The following ZFHX3 variants were observed in gnomAD, a reference collection of about 807,000 sequenced individuals.
ZFHX3 encodes the protein zinc finger homeobox 3.
In ZFHX3, 42 loss-of-function variants were observed where a neutral mutation model predicts 279.1. The observed-to-expected ratio is 0.15, with a 90% CI of 0.12 to 0.19. The LOEUF (loss-of-function observed/expected upper bound fraction) is 0.19. Among genes scored for constraint, ZFHX3 ranks in the 10% least tolerant of loss-of-function variants. ZFHX3 has a pLI of 1.00. For synonymous variants in ZFHX3, 2,293 were observed against 1,957.8 expected, an observed-to-expected ratio of 1.17 and a Z score of -4.52; for missense variants, 4,981 against 4,754.0, an observed-to-expected ratio of 1.05 and a Z score of -1.40.
intron 2 of ZFHX3, among the ~76,000 whole-genome samples, chr16:73,598,443 G>A (rs921900625): frequency 6.7e-6 from 1 of 150,192 alleles, no homozygotes; most frequent in African/African-American, 2.5e-5. Context: ...TTTTTGACAG[G>A]ATCTTACTCT....
At chr16:73,213,421 T>TC (rs754623369) in intron 5 of ZFHX3, among the ~76,000 whole-genome samples, 11 of 152,210 alleles carry the variant, frequency 7.2e-5, no homozygotes, top group Non-Finnish European at 1.3e-4. Flanking sequence ...AGAACTTAGC[T>TC]CGACCCACAT....
chr16:73,820,465 A>G (rs1227141613), intron 1 of ZFHX3, among the ~76,000 whole-genome samples: 1 of 152,074 alleles, frequency 6.6e-6, no homozygotes, highest in African/African-American at 2.4e-5. Flanking sequence ...CAGCTGCCAT[A>G]CCATGAGATT....
intron 5 of ZFHX3, among the ~76,000 whole-genome samples, chr16:73,156,232 A>C (rs796173656): frequency 0.12 from 4,151 of 35,552 alleles, 111 homozygotes; most frequent in African/African-American, 0.33. Flanking sequence ...ACTCCCTCTC[A>C]AAAAAAAAAA....
intron 8 of ZFHX3, among the ~76,000 whole-genome samples, chr16:73,086,264 G>A (rs1966010878): frequency 6.6e-6 from 1 of 152,144 alleles, no homozygotes; most frequent in African/African-American, 2.4e-5. Context: ...ACTGTTGGTG[G>A]GAATGTAAAT....
At chr16:73,019,963 T>C (rs985444107) in intron 1 of ZFHX3, among the ~76,000 whole-genome samples, 2 of 152,182 alleles carry the variant, frequency 1.3e-5, no homozygotes, top group Admixed American at 6.5e-5. Flanking sequence ...CTGAGCCCTT[T>C]AACCTCCTGC....
intron 1 of ZFHX3, among the ~76,000 whole-genome samples, chr16:73,791,923 G>A (rs1959836246): frequency 6.6e-6 from 1 of 152,160 alleles, no homozygotes; most frequent in Admixed American, 6.5e-5. Context: ...AGCTTACAGA[G>A]CCTTCATAGT....
At chr16:73,542,516 CA>C (rs774294492) in intron 2 of ZFHX3, among the ~76,000 whole-genome samples, 9 of 152,106 alleles carry the variant, frequency 5.9e-5, no homozygotes, top group Non-Finnish European at 1.3e-4. Context: ...GGTAACCTCT[CA>C]TTTTTCAGTG....
chr16:73,022,046 C>G (rs1049278002), intron 1 of ZFHX3, among the ~76,000 whole-genome samples: 1 of 152,102 alleles, frequency 6.6e-6, no homozygotes, highest in Non-Finnish European at 1.5e-5. Flanking sequence ...CTGCTCACCC[C>G]CTGCCCTCGT....
intron 5 of ZFHX3, among the ~76,000 whole-genome samples, chr16:73,222,732 T>G (rs575470426): frequency 6.6e-6 from 1 of 152,190 alleles, no homozygotes; most frequent in African/African-American, 2.4e-5. Flanking sequence ...AAAGTTTATA[T>G]GAAGATGCCA....
chr16:73,447,815 A>G (rs990581984), intron 3 of ZFHX3, among the ~76,000 whole-genome samples: 2 of 152,350 alleles, frequency 1.3e-5, no homozygotes, highest in East Asian at 3.9e-4. Flanking sequence ...AATAAATAAC[A>G]GCATGAAGGG....
chr16:72,828,057 C>A (rs1054460838), intron 5 of ZFHX3, among the ~76,000 whole-genome samples: 1 of 152,174 alleles, frequency 6.6e-6, no homozygotes, highest in Non-Finnish European at 1.5e-5. Context: ...ATTTCTCAGC[C>A]CTTCAGTCAT....
chr16:73,814,663 G>C (rs956082641), intron 1 of ZFHX3, among the ~76,000 whole-genome samples: 1 of 151,780 alleles, frequency 6.6e-6, no homozygotes. Flanking sequence ...TGCCTCCTGG[G>C]TTCAAGTGAT....
intron 2 of ZFHX3, among the ~76,000 whole-genome samples, chr16:73,550,375 A>T (rs1178011422): frequency 6.6e-6 from 1 of 152,172 alleles, no homozygotes; most frequent in Non-Finnish European, 1.5e-5. Context: ...TTGACGGGAC[A>T]AGCTGGACCC....
intron 1 of ZFHX3, among the ~76,000 whole-genome samples, chr16:72,990,504 G>A (rs1963041548): frequency 6.6e-6 from 1 of 152,150 alleles, no homozygotes; most frequent in South Asian, 2.1e-4. Flanking sequence ...CCACGGATGG[G>A]ACAAACAGAC....
At chr16:72,839,638 CA>C (rs898215979) in intron 4 of ZFHX3, among the ~76,000 whole-genome samples, 3 of 151,026 alleles carry the variant, frequency 2.0e-5, no homozygotes, top group South Asian at 2.1e-4. Flanking sequence ...CCACCCCCCC[CA>C]AAAAAAAGCT....
At chr16:73,026,336 G>C (rs1964498719) in intron 1 of ZFHX3, among the ~76,000 whole-genome samples, 1 of 148,314 alleles carries the variant, frequency 6.7e-6, no homozygotes, top group Non-Finnish European at 1.5e-5. Flanking sequence ...TCACACCACT[G>C]CACTCCAGGC....
At chr16:73,723,258 G>C (rs950234179) in intron 1 of ZFHX3, among the ~76,000 whole-genome samples, 1 of 152,020 alleles carries the variant, frequency 6.6e-6, no homozygotes, top group Non-Finnish European at 1.5e-5. Context: ...AGTTTAGTAG[G>C]GATCTTGGGA....
At chr16:72,850,478 C>T (rs758139962) in intron 4 of ZFHX3, among the ~76,000 whole-genome samples, 38 of 152,170 alleles carry the variant, frequency 2.5e-4, no homozygotes, top group Non-Finnish European at 4.1e-4. Context: ...ACTGTAGAGT[C>T]GAAGTTGGGG....
intron 3 of ZFHX3, among the ~76,000 whole-genome samples, chr16:72,945,308 C>A (rs1325302262): frequency 1.3e-5 from 2 of 152,186 alleles, no homozygotes; most frequent in African/African-American, 2.4e-5. Flanking sequence ...CCCTGCCCCC[C>A]AAACTATTTG....
Sources: allele counts gnomAD v4.1 joint callset (sites outside exome capture counted in the v4.1 genomes callset), GRCh38; gene constraint gnomAD v4.1.1; transcripts MANE v1.5; gene names NCBI Gene and HGNC (gene_info 2026-07-23, HGNC 2026-07-21).